The following AMELX variants were observed in gnomAD, a reference collection of about 807,000 sequenced individuals.
AMELX encodes amelogenin X-linked.
A neutral mutation model predicts 15.8 loss-of-function variants in AMELX; 9 were observed. The ratio of observed to expected loss-of-function variants is 0.57; its 90% CI spans 0.34 to 0.99. The LOEUF is 0.99. AMELX is among the 50% of genes least tolerant of loss of function. The pLI is 0.02. For synonymous variants in AMELX, 61 were observed against 58.8 expected (o/e 1.04, Z -0.17); for missense variants, 107 against 156.2 (o/e 0.68, Z 1.68).
At chrX:11,301,545 C>G (rs1176123643), downstream of AMELX, among the ~76,000 whole-genome samples, 2 of 111,737 alleles carry the variant, frequency 1.8e-5, no homozygotes, top group Non-Finnish European at 3.8e-5. Flanking sequence ...GATTAAGGCC[C>G]CTTAATCATT....
At position 11,298,688 on chromosome X, in the gene AMELX, C is replaced by A. The variant is rs2048125648; in HGVS notation, c.285C>A (p.Ile95=). 2.5e-6 allele frequency: 3 copies of A among 1,211,081 alleles called. No homozygotes were observed. The highest frequency in any genetic ancestry group is 3.4e-6 in the Non-Finnish European group (3 of 895,408). ...TGGTGCCAGCTCAGCAGCCCGTGAT[C>A]CCCCAGCAACCAATGATGCCCGTTC... The part of the protein sequence containing the change: ...IPVVPAQQPV[I]PQQPMMPVPG... Residue 95 remains isoleucine, a synonymous_variant, in exon 5 of 6, where the codon ATC becomes ATA. Transcript: ENST00000380714.
intron 2 of AMELX, among the ~76,000 whole-genome samples, chrX:11,296,083 G>A (rs1034226095): frequency 3.6e-5 from 4 of 111,766 alleles, no homozygotes; most frequent in Admixed American, 9.5e-5. Flanking sequence ...AAAAAAGATC[G>A]GCCTAAACGT....
chrX:11,303,837 T>A (rs193226745), downstream of AMELX, among the ~76,000 whole-genome samples: 4 of 111,354 alleles, frequency 3.6e-5, no homozygotes, highest in Non-Finnish European at 7.5e-5. Context: ...ACTTGGACAA[T>A]TTTTTTGGCC....
downstream of AMELX, among the ~76,000 whole-genome samples, chrX:11,301,904 G>A (rs1447945610): frequency 8.9e-6 from 1 of 112,105 alleles, no homozygotes; most frequent in East Asian, 2.8e-4. Flanking sequence ...TTGGCTAGCT[G>A]TCCAACAGCT....
At chrX:11,307,223 C>T in the AMELX span, among the ~76,000 whole-genome samples, 56 of 111,180 alleles carry the variant, frequency 5.0e-4, no homozygotes, top group Middle Eastern at 4.6e-3. Flanking sequence ...ACACACTCAA[C>T]GCATACAGAA....
chrX:11,294,940 T>G, intron 2 of AMELX, 98 bp downstream of exon 2: 1 of 891,427 alleles, frequency 1.1e-6, no homozygotes, highest in Admixed American at 2.2e-5. Flanking sequence ...TAAAACAGTA[T>G]GAGATCAGAT....
downstream of AMELX, among the ~76,000 whole-genome samples, chrX:11,301,114 C>T (rs1182950049): frequency 9.0e-6 from 1 of 111,586 alleles, no homozygotes; most frequent in Non-Finnish European, 1.9e-5. Flanking sequence ...CAAAATAGGA[C>T]ATGGAACACT....
At chrX:11,302,273 C>G (rs1290597957), downstream of AMELX, among the ~76,000 whole-genome samples, 1 of 111,990 alleles carries the variant, frequency 8.9e-6, no homozygotes, top group Non-Finnish European at 1.9e-5. Context: ...CAGCATTGCT[C>G]TATGTACTAC....
chrX:11,306,431 C>T, the AMELX span, among the ~76,000 whole-genome samples: 1 of 112,488 alleles, frequency 8.9e-6, no homozygotes, highest in Non-Finnish European at 1.9e-5. Context: ...CATTAAACAC[C>T]CAGGATGCTG....
At chrX:11,308,421 C>T in the AMELX span, among the ~76,000 whole-genome samples, 3 of 111,503 alleles carry the variant, frequency 2.7e-5, no homozygotes, top group Admixed American at 9.5e-5. Context: ...AACAACAAAA[C>T]CAAAGTTTTC....
At chrX:11,297,811 GA>G (rs1162490371) in intron 3 of AMELX, among the ~76,000 whole-genome samples, 2 of 111,773 alleles carry the variant, frequency 1.8e-5, no homozygotes, top group African/African-American at 3.2e-5. Flanking sequence ...TGACATCAAA[GA>G]AAAAAATGAA....
At chrX:11,308,184 C>T in the AMELX span, among the ~76,000 whole-genome samples, 2 of 111,600 alleles carry the variant, frequency 1.8e-5, no homozygotes, top group Non-Finnish European at 3.8e-5. Flanking sequence ...ACACAATTCA[C>T]CAAATAAACC....
intron 2 of AMELX, among the ~76,000 whole-genome samples, chrX:11,295,755 T>C (rs1420670520): frequency 8.9e-6 from 1 of 112,180 alleles, no homozygotes; most frequent in African/African-American, 3.2e-5. Flanking sequence ...TAAGATGGTA[T>C]TGTTCAAGAG....
At chrX:11,297,164 G>C (rs1240166937) in intron 3 of AMELX, among the ~76,000 whole-genome samples, 1 of 112,020 alleles carries the variant, frequency 8.9e-6, no homozygotes, top group East Asian at 2.8e-4. Flanking sequence ...GTAAGGATTA[G>C]GTAAGATGTT....
downstream of AMELX, among the ~76,000 whole-genome samples, chrX:11,303,544 A>G (rs920250633): frequency 8.9e-6 from 1 of 112,366 alleles, no homozygotes; most frequent in Admixed American, 9.4e-5. Context: ...TCATTGTCCT[A>G]TGGTCAACAA....
intron 3 of AMELX, 73 bp from the exon 4 acceptor site, chrX:11,298,163 C>T: frequency 8.3e-7 from 1 of 1,207,115 alleles, no homozygotes; most frequent in Non-Finnish European, 1.1e-6. Context: ...ATATTTCCTA[C>T]TGCATCAGTG....
chrX:11,298,939 G>T lies in AMELX; in HGVS notation c.536G>T (p.Trp179Leu). 1 of 1,211,048 alleles carries T rather than the reference G, an allele frequency of 8.3e-7. No homozygotes were observed. Residue 179 changes from tryptophan (W) to leucine (L), a missense_variant, in exon 5 of 6, where the codon TGG becomes TTG. By Grantham distance (61) the Trp-to-Leu change is moderately conservative (BLOSUM62 -2). Coordinates refer to ENST00000380714, the MANE Select transcript of AMELX (RefSeq NM_001142.2). ...CTTCCTGATCTGACTCTGGAAGCTT[G>T]GCCATCAACAGACAAGACCAAGCGG... The part of the protein sequence containing the change: ...PMLPDLTLEA[W>L]PSTDKTKREE...
chrX:11,298,400 A>C (rs1164895445), intron 4 of AMELX, 123 bp downstream of exon 4: 2 of 1,120,801 alleles, frequency 1.8e-6, no homozygotes, highest in African/African-American at 3.6e-5. Context: ...GTTTGTAAAA[A>C]ATCATATCTG....
intron 2 of AMELX, 88 bp downstream of exon 2, chrX:11,294,930 T>A: frequency 1.0e-6 from 1 of 980,275 alleles, no homozygotes; most frequent in Non-Finnish European, 1.5e-6. Context: ...AATTAGGGTT[T>A]AAAACAGTAT....
Sources: gnomAD v4.1 joint callset for allele counts (sites outside exome capture counted in the v4.1 genomes callset) on GRCh38, gnomAD v4.1.1 for gene constraint, MANE v1.5 for transcripts, NCBI Gene and HGNC (gene_info 2026-07-23, HGNC 2026-07-21) for gene names.